The following CSPG5 variants were observed in gnomAD, a reference collection of about 807,000 sequenced individuals.
The protein encoded by CSPG5 is chondroitin sulfate proteoglycan 5.
A neutral mutation model predicts 39.8 loss-of-function variants in CSPG5; 25 were observed. The observed-to-expected ratio is 0.63, with a 90% CI of 0.46 to 0.88. The LOEUF (loss-of-function observed/expected upper bound fraction) is 0.88. CSPG5 is among the 40% of genes least tolerant of loss of function. The pLI is 0.00. For missense variants in CSPG5, 627 were observed against 702.2 expected (o/e 0.89, Z 1.21); for synonymous variants, 295 against 303.9 (o/e 0.97, Z 0.31).
At chr3:47,566,612 A>G (rs948552716) in intron 4 of CSPG5, among the ~76,000 whole-genome samples, 2 of 152,206 alleles carry the variant, frequency 1.3e-5, no homozygotes, top group African/African-American at 4.8e-5. Context: ...GGAGAAGATG[A>G]TGTCCCCTTG....
chr3:47,576,465 T>TG (rs199513607), intron 2 of CSPG5, among the ~76,000 whole-genome samples: 1,981 of 150,258 alleles, frequency 0.013, 35 homozygotes, highest in Non-Finnish European at 0.018. Flanking sequence ...TGTTTTGTTT[T>TG]TTTTTTTTTT....
At chr3:47,565,257 A>G (rs1224292759) in intron 4 of CSPG5, among the ~76,000 whole-genome samples, 2 of 152,180 alleles carry the variant, frequency 1.3e-5, no homozygotes, top group Non-Finnish European at 2.9e-5. Context: ...TGGAAGAAGC[A>G]TATCCCAAAA....
chr3:47,572,938 T>C lies in CSPG5; in HGVS notation c.1194-64A>G, dbSNP rs1403366738. On this transcript the variant is annotated intron_variant, in intron 2 of 4. Transcript: ENST00000264723. The surrounding 1 kb of genome is among the most constrained non-coding windows in gnomAD (Gnocchi z 4.5). Reference sequence around the variant, plus strand: ...GGCAGCCACGGCCACAGTAAGGGCCTGGGCCCTGACCCCAACACCTATCTC... The same window carrying C: ...GGCAGCCACGGCCACAGTAAGGGCCCGGGCCCTGACCCCAACACCTATCTC... The C allele has an allele frequency of 1.9e-5, 27 of 1,442,076 alleles. No homozygotes were observed. Among genetic ancestry groups the C allele is most frequent in the Non-Finnish European group, 2.6e-5 (27 of 1,052,562 alleles). The allele number at this position is 1,442,076 out of a possible 1,614,324, so 89.3% of individuals were successfully genotyped here.
Position 47,578,482 on chromosome 3 carries a change from C to T in CSPG5, c.97+115G>A, listed in dbSNP as rs1319273012. 3.5e-6 allele frequency: 1 copy of T among 283,614 alleles called. No individual in the cohort carries two copies. Among genetic ancestry groups the T allele is most frequent in the Non-Finnish European group, 6.1e-6 (1 of 163,262 alleles). The allele number at this position is 283,614 out of a possible 1,614,324, so 17.6% of individuals were successfully genotyped here. A position where few individuals can be genotyped will look rare whatever the true frequency, so the allele number is the denominator to read the frequency against. Reference sequence around the variant, plus strand: ...ATTCCGCCGCCCGGCCGCGGCCAGGCGGTGCCCCGCCCCCTTGCCACAGCT... The same window carrying T: ...ATTCCGCCGCCCGGCCGCGGCCAGGTGGTGCCCCGCCCCCTTGCCACAGCT... On this transcript the variant is annotated intron_variant, in intron 1 of 4. Coordinates refer to ENST00000264723, the MANE Select transcript of CSPG5 (RefSeq NM_006574.4). This position sits in a 1 kb window ranked among gnomAD's most constrained non-coding sequence, Gnocchi z 6.0.
chr3:47,578,005 A>G lies in CSPG5; in HGVS notation c.98-77T>C. On this transcript the variant is annotated intron_variant, in intron 1 of 4. Coordinates refer to ENST00000264723, the MANE Select transcript of CSPG5 (RefSeq NM_006574.4). This position sits in a 1 kb window ranked among gnomAD's most constrained non-coding sequence, Gnocchi z 6.0. ...CCTGGAGCCCCGGCCCGCCCCGGTCAGGCCCGCTCGCCTAGACCTGGTCAA... is the reference window on the plus strand; with the variant it reads ...CCTGGAGCCCCGGCCCGCCCCGGTCGGGCCCGCTCGCCTAGACCTGGTCAA... 2 of 1,354,384 alleles carry G rather than the reference A, an allele frequency of 1.5e-6. No individual in the cohort carries two copies. Among genetic ancestry groups the G allele is most frequent in the Non-Finnish European group, 1.9e-6 (2 of 1,062,580 alleles). The allele number at this position is 1,354,384 out of a possible 1,614,324, so 83.9% of individuals were successfully genotyped here. A position where few individuals can be genotyped will look rare whatever the true frequency, so the allele number is the denominator to read the frequency against.
At chr3:47,575,865 T>G (rs2031700410) in intron 2 of CSPG5, among the ~76,000 whole-genome samples, 1 of 145,828 alleles carries the variant, frequency 6.9e-6, no homozygotes, top group Admixed American at 6.9e-5. Flanking sequence ...ACCAGAACCC[T>G]CCAGCAAACA....
chr3:47,572,715 C>G lies in CSPG5; in HGVS notation c.1353G>C (p.Lys451Asn). Residue 451 changes from lysine to asparagine, a missense_variant, in exon 3 of 5, where the codon AAG (lysine) becomes AAC (asparagine). Physicochemically the swap from Lys to Asn is moderately conservative, Grantham distance 94 (BLOSUM62 0). Transcript: ENST00000264723. This position sits in a 1 kb window ranked among gnomAD's most constrained non-coding sequence, Gnocchi z 4.5. ...VFFAKKLYLL[K>N]TENTKLRRTN... ...TCCTACGCAGCTTGGTATTCTCCGT[C>G]TTGAGCAGGTAGAGCTTCTTGGCAA... is the stretch of plus-strand genomic sequence containing the variant. 6.2e-7 allele frequency: 1 copy of G among 1,614,152 alleles called. No individual in the cohort carries two copies. Among genetic ancestry groups the G allele is most frequent in the Non-Finnish European group, 8.5e-7 (1 of 1,180,020 alleles).
intron 2 of CSPG5, among the ~76,000 whole-genome samples, chr3:47,576,059 C>T (rs1453167614): frequency 2.0e-5 from 3 of 151,692 alleles, no homozygotes; most frequent in African/African-American, 2.4e-5. Context: ...CTCAGCCTCC[C>T]GAGTAGCTGG....
chr3:47,569,603 CAA>C (rs751431992), intron 3 of CSPG5, among the ~76,000 whole-genome samples: 1 of 129,312 alleles, frequency 7.7e-6, no homozygotes, highest in African/African-American at 2.9e-5. Flanking sequence ...GACTCCATCT[CAA>C]AAAAAAAAAA....
intron 4 of CSPG5, among the ~76,000 whole-genome samples, chr3:47,568,525 G>A (rs2031397183): frequency 6.6e-6 from 1 of 152,214 alleles, no homozygotes; most frequent in Non-Finnish European, 1.5e-5. Context: ...AACCCTGCCA[G>A]TTCTTAGGAT....
intron 3 of CSPG5, among the ~76,000 whole-genome samples, chr3:47,571,882 C>T (rs1222215339): frequency 6.6e-6 from 1 of 152,184 alleles, no homozygotes; most frequent in Non-Finnish European, 1.5e-5. Flanking sequence ...GGTTTTCTAA[C>T]TTTGCTTAGT....
chr3:47,563,992 C>T (rs2031194918), intron 4 of CSPG5, among the ~76,000 whole-genome samples: 1 of 152,204 alleles, frequency 6.6e-6, no homozygotes, highest in African/African-American at 2.4e-5. Context: ...GGAATATACC[C>T]AGTGCAATTC....
Position 47,576,997 on chromosome 3 carries a change from T to C in CSPG5, c.1029A>G (p.Pro343=), listed in dbSNP as rs1259804845. 1 of 1,613,494 alleles carries C rather than the reference T, an allele frequency of 6.2e-7. No homozygotes were observed. Among genetic ancestry groups the C allele is most frequent in the South Asian group, 1.1e-5 (1 of 91,044 alleles). Reference sequence around the variant, plus strand: ...AGGCCAAGTCCCTGCCTGGCTCTCCTGGGCGGGGCCTGAGGGCGATGCTGC... The same window carrying C: ...AGGCCAAGTCCCTGCCTGGCTCTCCCGGGCGGGGCCTGAGGGCGATGCTGC... ...PGSSIALRPR[P]GEPGRDLASS... The change falls in exon 2 of 5, where the codon CCA becomes CCG. Residue 343 remains proline, a synonymous_variant. Coordinates refer to ENST00000264723, the MANE Select transcript of CSPG5 (RefSeq NM_006574.4).
rs1483264092 is a variant in CSPG5, at chr3:47,562,773, A to G, written c.1459-12T>C. The G allele has an allele frequency of 6.4e-7, 1 of 1,569,592 alleles. No individual in the cohort carries two copies. The highest frequency in any genetic ancestry group is 1.7e-5 in the Admixed American group (1 of 58,624). Reference sequence around the variant, plus strand: ...GCACTAGGATCATCCTGGAAGAGGGAAAAAGTTGGGGGGGGGGAGACAATG... The same window carrying G: ...GCACTAGGATCATCCTGGAAGAGGGGAAAAGTTGGGGGGGGGGAGACAATG... On this transcript the variant is annotated splice_polypyrimidine_tract_variant and intron_variant, in intron 4 of 4. Transcript: ENST00000264723.
Position 47,578,633 on chromosome 3 carries a change from C to G in CSPG5, c.61G>C (p.Gly21Arg), listed in dbSNP as rs2031876085. Reference sequence around the variant, plus strand: ...CCAGAGGCCAGGACCAGCGCGGCCCCCAGAAACAGCAGCAGTGGCGGCGGC... The same window carrying G: ...CCAGAGGCCAGGACCAGCGCGGCCCGCAGAAACAGCAGCAGTGGCGGCGGC... ...RGPPPLLLFL[G>R]AALVLASGAV... is the part of the protein sequence containing the mutation. Residue 21 changes from glycine (G) to arginine (R), a missense_variant, in exon 1 of 5, where the codon GGG becomes CGG. Physicochemically the swap from Gly to Arg is moderately radical, Grantham distance 125 (BLOSUM62 -2). Transcript: ENST00000264723. The surrounding 1 kb of genome is among the most constrained non-coding windows in gnomAD (Gnocchi z 6.0). The G allele has an allele frequency of 8.6e-7, 1 of 1,167,322 alleles. No individual in the cohort carries two copies. The highest frequency in any genetic ancestry group is 1.1e-6 in the Non-Finnish European group (1 of 944,568). 72.3% of individuals were successfully genotyped at this position (1,167,322 alleles called of 1,614,324 possible). A position where few individuals can be genotyped will look rare whatever the true frequency, so the allele number is the denominator to read the frequency against.
At chr3:47,573,746 G>C (rs1214295590) in intron 2 of CSPG5, among the ~76,000 whole-genome samples, 1 of 152,204 alleles carries the variant, frequency 6.6e-6, no homozygotes, top group African/African-American at 2.4e-5. Flanking sequence ...GGGAAATTAT[G>C]CACCAGAAAA....
intron 2 of CSPG5, among the ~76,000 whole-genome samples, chr3:47,573,131 G>T (rs1034359781): frequency 6.6e-6 from 1 of 152,220 alleles, no homozygotes; most frequent in Non-Finnish European, 1.5e-5. Context: ...GAAACTGAGT[G>T]AACTGGTCAA....
At chr3:47,569,340 G>C (rs1380138659) in intron 3 of CSPG5, 113 bp from the exon 4 acceptor site, 12 of 1,086,692 alleles carry the variant, frequency 1.1e-5, no homozygotes. Context: ...GTGGTGGCTC[G>C]CGCCTGTAAT....
intron 3 of CSPG5, among the ~76,000 whole-genome samples, chr3:47,569,568 C>T (rs1004324285): frequency 6.6e-6 from 1 of 151,236 alleles, no homozygotes; most frequent in South Asian, 2.1e-4. Flanking sequence ...CGTGCCACTG[C>T]ACTCCAGCCT....
Sources: allele counts gnomAD v4.1 joint callset (sites outside exome capture counted in the v4.1 genomes callset), GRCh38; gene constraint gnomAD v4.1.1; non-coding constraint Gnocchi (gnomAD v3.1); transcripts MANE v1.5; gene names NCBI Gene and HGNC (gene_info 2026-07-23, HGNC 2026-07-21).